The following RBM27 variants were observed in gnomAD, a reference collection of about 807,000 sequenced individuals.
RBM27 encodes the protein RNA binding motif protein 27.
A neutral mutation model predicts 135.3 loss-of-function variants in RBM27; 22 were observed. That is an observed-to-expected ratio of 0.16 (90% CI 0.12 to 0.23). The LOEUF (loss-of-function observed/expected upper bound fraction) is 0.23, where lower values mean the gene tolerates loss of function less well. Among genes scored for constraint, RBM27 ranks in the 10% least tolerant of loss-of-function variants. The pLI is 1.00. For missense variants in RBM27, 1,009 were observed against 1,281.0 expected (o/e 0.79, Z 3.24); for synonymous variants, 481 against 442.4 (o/e 1.09, Z -1.10).
At chr5:146,251,670 G>A (rs1212712403) in intron 8 of RBM27, 41 bp from the exon 9 acceptor site, 2 of 1,531,924 alleles carry the variant, frequency 1.3e-6, no homozygotes, top group East Asian at 2.3e-5. Context: ...AGAAGCTTGT[G>A]ACTCTCATTC....
chr5:146,215,781 C>G (rs933058037), intron 1 of RBM27, among the ~76,000 whole-genome samples: 2 of 151,024 alleles, frequency 1.3e-5, no homozygotes, highest in Non-Finnish European at 1.5e-5. Context: ...GAGACTGTCT[C>G]TCTCTGTCAC....
At chr5:146,232,887 T>C (rs1336220917) in intron 6 of RBM27, among the ~76,000 whole-genome samples, 1 of 152,192 alleles carries the variant, frequency 6.6e-6, no homozygotes, top group South Asian at 2.1e-4. Flanking sequence ...GTATTCTTTA[T>C]GTACAAACGT....
chr5:146,263,387 C>T lies in RBM27; in HGVS notation c.2191-104C>T. On this transcript the variant is annotated intron_variant, in intron 13 of 20. Transcript: ENST00000265271. ...CGGATAATTGAAGCACCTTCCCGTTCCCATTTTCTTATCTTCTTCCCTAGA... is the reference window on the plus strand; with the variant it reads ...CGGATAATTGAAGCACCTTCCCGTTTCCATTTTCTTATCTTCTTCCCTAGA... The T allele has an allele frequency of 4.4e-6, 5 of 1,145,490 alleles. No homozygotes were observed. The South Asian group carries it at 8.1e-5, about 18-fold the overall frequency. 71.0% of individuals were successfully genotyped at this position (1,145,490 alleles called of 1,614,324 possible). A position where few individuals can be genotyped will look rare whatever the true frequency, so the allele number is the denominator to read the frequency against.
chr5:146,230,921 A>G lies in RBM27; in HGVS notation c.850+4A>G, dbSNP rs1756902551. ...AGGCGATGCAGAGATTATGATGGTAAAAATCACCACCTTTTCTCATATTGT... is the reference window on the plus strand; with the variant it reads ...AGGCGATGCAGAGATTATGATGGTAGAAATCACCACCTTTTCTCATATTGT... On this transcript the variant is annotated splice_donor_region_variant and intron_variant, in intron 6 of 20. Transcript: ENST00000265271. The G allele has an allele frequency of 6.2e-7, 1 of 1,613,330 alleles. No homozygotes were observed. The highest frequency in any genetic ancestry group is 1.3e-5 in the African/African-American group (1 of 74,922).
intron 8 of RBM27, among the ~76,000 whole-genome samples, chr5:146,245,570 C>T (rs1158029131): frequency 6.6e-6 from 1 of 152,084 alleles, no homozygotes; most frequent in Admixed American, 6.6e-5. Flanking sequence ...ATTGTTAAAA[C>T]AGTATAATTC....
Position 146,269,595 on chromosome 5 carries a change from G to C in RBM27, c.2691+11G>C, listed in dbSNP as rs1758773526. ...AAGACAAAAACGGAGGTATCTATTT[G>C]CATTTTTTATTTAACATAGGGTTAT... On this transcript the variant is annotated intron_variant, in intron 17 of 20. Coordinates refer to ENST00000265271, the MANE Select transcript of RBM27 (RefSeq NM_018989.2). The C allele has an allele frequency of 6.6e-7, 1 of 1,511,058 alleles. No individual in the cohort carries two copies. Among genetic ancestry groups the C allele is most frequent in the Non-Finnish European group, 8.8e-7 (1 of 1,135,848 alleles). 93.6% of individuals were successfully genotyped at this position (1,511,058 alleles called of 1,614,324 possible). A position where few individuals can be genotyped will look rare whatever the true frequency, so the allele number is the denominator to read the frequency against.
intron 1 of RBM27, 30 bp downstream of exon 1, chr5:146,203,854 C>CGAACGT: frequency 7.0e-7 from 1 of 1,433,134 alleles, no homozygotes; most frequent in Non-Finnish European, 9.2e-7. Flanking sequence ...CCGGGGCCGG[C>CGAACGT]GAACGTGGGC....
At chr5:146,212,492 G>A (rs1316057538) in intron 1 of RBM27, among the ~76,000 whole-genome samples, 3 of 151,872 alleles carry the variant, frequency 2.0e-5, no homozygotes, top group Non-Finnish European at 4.4e-5. Context: ...GGGACTATAG[G>A]TGCATGCCAC....
rs372861757 is a variant in RBM27, at chr5:146,271,525, A to G, written c.2839A>G (p.Met947Val). Residue 947 changes from methionine to valine, a missense_variant, in exon 19 of 21, where the codon ATG (methionine) becomes GTG (valine). Around this residue, in one of 6 missense-constraint regions of RBM27, gnomAD observed 355 missense variants for 427.3 expected, o/e 0.83. Transcript: ENST00000265271. ...TTTACCTGTGGGTCGAGGAAAGACC[A>G]TGTCCTCTCAAGGTCGAGGAAGAGG... is the stretch of plus-strand genomic sequence containing the variant. The part of the protein sequence containing the change: ...GILPVGRGKT[M>V]SSQGRGRGRG... The G allele has an allele frequency of 1.9e-6, 3 of 1,613,534 alleles. No individual in the cohort carries two copies. Among genetic ancestry groups the G allele is most frequent in the African/African-American group, 2.7e-5 (2 of 74,906 alleles).
Position 146,271,470 on chromosome 5 carries a change from T to C in RBM27, c.2797-13T>C, listed in dbSNP as rs769978590. On this transcript the variant is annotated splice_polypyrimidine_tract_variant and intron_variant, in intron 18 of 20. Transcript: ENST00000265271. The stretch of plus-strand genomic sequence containing the variant: ...ATAATGTATGCTACATTCTACTTTT[T>C]GTTGTTATTCAGGCTGCACGGTTAG... The C allele has an allele frequency of 6.3e-7, 1 of 1,593,510 alleles. No individual in the cohort carries two copies. The highest frequency in any genetic ancestry group is 1.1e-5 in the South Asian group (1 of 89,870).
chr5:146,248,712 C>T (rs1039811419), intron 8 of RBM27, among the ~76,000 whole-genome samples: 5 of 152,286 alleles, frequency 3.3e-5, no homozygotes, highest in Admixed American at 2.6e-4. Flanking sequence ...GGGATCCACC[C>T]GCCTTGGCCT....
intron 19 of RBM27, among the ~76,000 whole-genome samples, chr5:146,275,983 A>G (rs1366059868): frequency 6.6e-6 from 1 of 152,022 alleles, no homozygotes; most frequent in Non-Finnish European, 1.5e-5. Context: ...CTATCCTACC[A>G]TGTTGCCTTT....
rs1042802892 is a variant in RBM27, at chr5:146,263,645, G to T, written c.2331+14G>T. On this transcript the variant is annotated intron_variant, in intron 14 of 20. Transcript: ENST00000265271. ...GAAGATTGCCAGGTATGCATTTTTGGGAGCTTCAGATATATTTAGAATCAT... is the reference window on the plus strand; with the variant it reads ...GAAGATTGCCAGGTATGCATTTTTGTGAGCTTCAGATATATTTAGAATCAT... The T allele has an allele frequency of 2.5e-6, 4 of 1,612,418 alleles. No individual in the cohort carries two copies. In the African/African-American group the frequency reaches 5.3e-5, roughly 22 times the overall value.
intron 19 of RBM27, among the ~76,000 whole-genome samples, chr5:146,274,894 G>A (rs974435792): frequency 6.6e-6 from 1 of 151,742 alleles, no homozygotes; most frequent in Non-Finnish European, 1.5e-5. Flanking sequence ...TAGGTTTTTT[G>A]TGAGGAGATA....
rs1404408829 is a variant in RBM27 at position 146,251,868 on chromosome 5, G to A, written c.1437G>A (p.Leu479=). 6 of 1,613,772 alleles carry A rather than the reference G, an allele frequency of 3.7e-6. No individual in the cohort carries two copies. The South Asian group carries it at 6.6e-5, about 18-fold the overall frequency. Reference sequence around the variant, plus strand: ...CCTCAGTCTCCAGCCCTACCCCTCTGGTTCCAGGTAAGCTTTGCTACAGAT... The same window carrying A: ...CCTCAGTCTCCAGCCCTACCCCTCTAGTTCCAGGTAAGCTTTGCTACAGAT... ...YHTSVSSPTP[L]VPDTYEPDGY... Residue 479 remains leucine, a synonymous_variant, in exon 9 of 21, where the codon CTG becomes CTA. Coordinates refer to ENST00000265271, the MANE Select transcript of RBM27 (RefSeq NM_018989.2).
chr5:146,230,700 G>A lies in RBM27; in HGVS notation c.633G>A (p.Leu211=). The A allele has an allele frequency of 1.9e-6, 3 of 1,614,016 alleles. No individual in the cohort carries two copies. Among genetic ancestry groups the A allele is most frequent in the African/African-American group, 2.7e-5 (2 of 75,036 alleles). The stretch of plus-strand genomic sequence containing the variant: ...AGTTTAAGAGTGAAAGGAATGACCT[G>A]GAGAGTTCCTATGTGCCTGTGTCTG... The part of the protein sequence containing the change: ...RSKFKSERND[L]ESSYVPVSAP... The change falls in exon 6 of 21, where the codon CTG becomes CTA. Residue 211 remains leucine (L), a synonymous_variant. Transcript: ENST00000265271.
At chr5:146,241,224 C>G (rs1484262989) in intron 8 of RBM27, among the ~76,000 whole-genome samples, 1 of 152,124 alleles carries the variant, frequency 6.6e-6, no homozygotes, top group Non-Finnish European at 1.5e-5. Flanking sequence ...TTGTGACTCA[C>G]TCTATAAATA....
intron 3 of RBM27, among the ~76,000 whole-genome samples, chr5:146,224,460 T>A (rs953302073): frequency 2.6e-5 from 4 of 152,162 alleles, no homozygotes; most frequent in African/African-American, 9.6e-5. Context: ...GGTGGGCGGA[T>A]CACCTGAGGT....
At chr5:146,210,409 A>G (rs1755881351) in intron 1 of RBM27, among the ~76,000 whole-genome samples, 1 of 152,130 alleles carries the variant, frequency 6.6e-6, no homozygotes, top group Admixed American at 6.6e-5. Context: ...TTTCTTCCAC[A>G]TGATACTCAT....
Sources: gnomAD v4.1 joint callset for allele counts (sites outside exome capture counted in the v4.1 genomes callset) on GRCh38, gnomAD v4.1.1 for gene constraint, gnomAD v4.1.1 regional missense constraint, MANE v1.5 for transcripts, NCBI Gene and HGNC (gene_info 2026-07-23, HGNC 2026-07-21) for gene names.